Variants in ADRA1B observed in about 807,000 individuals in gnomAD.
The protein encoded by ADRA1B is alpha-1B adrenergic receptor.
Under a neutral mutation model 17.9 loss-of-function variants are expected in ADRA1B, and 17 were observed. That is an observed-to-expected ratio of 0.95 (90% CI 0.65 to 1.42). The LOEUF (loss-of-function observed/expected upper bound fraction) is 1.42. ADRA1B is among the 40% of genes most tolerant of loss of function. The pLI, the probability that ADRA1B is intolerant of heterozygous loss-of-function variation, is 0.00. For missense variants in ADRA1B, 681 were observed against 722.1 expected, an observed-to-expected ratio of 0.94 and a Z score of 0.65; for synonymous variants, 366 against 327.6, an observed-to-expected ratio of 1.12 and a Z score of -1.27.
At chr5:159,926,017 G>A (rs1050467022) in intron 1 of ADRA1B, among the ~76,000 whole-genome samples, 9 of 152,160 alleles carry the variant, frequency 5.9e-5, no homozygotes, top group Non-Finnish European at 1.0e-4. Flanking sequence ...TACTGTGGAC[G>A]TCTAAGCAGT....
chr5:159,950,387 G>A (rs1755400215), intron 1 of ADRA1B: 2 of 642,270 alleles, frequency 3.1e-6, no homozygotes, highest in Middle Eastern at 4.2e-4. Context: ...CTGTGAGGAG[G>A]GGAGAGTCTC....
At chr5:159,971,487 G>A (rs1327081838) in intron 1 of ADRA1B, among the ~76,000 whole-genome samples, 1 of 152,174 alleles carries the variant, frequency 6.6e-6, no homozygotes, top group East Asian at 1.9e-4. Flanking sequence ...ATGACGTTTT[G>A]TGAAGGATAA....
At chr5:159,956,239 C>A (rs1755548584) in intron 1 of ADRA1B, among the ~76,000 whole-genome samples, 1 of 152,088 alleles carries the variant, frequency 6.6e-6, no homozygotes, top group South Asian at 2.1e-4. Context: ...AGACCCGTTT[C>A]AAAGTAAACA....
intron 1 of ADRA1B, among the ~76,000 whole-genome samples, chr5:159,882,752 C>T (rs1254009364): frequency 1.3e-5 from 1 of 74,574 alleles, no homozygotes; most frequent in African/African-American, 9.8e-5. Context: ...TCTAAATTGC[C>T]AAACTTGCTC....
intron 1 of ADRA1B, among the ~76,000 whole-genome samples, chr5:159,962,702 G>A (rs1209366896): frequency 7.3e-6 from 1 of 137,512 alleles, no homozygotes; most frequent in African/African-American, 2.8e-5. Context: ...ACAAGGTCTC[G>A]CTCTATTGCC....
At chr5:159,982,571 T>C in the ADRA1B span, among the ~76,000 whole-genome samples, 24,675 of 152,048 alleles carry the variant, frequency 0.16, 3,668 homozygotes, top group African/African-American at 0.4. Context: ...GATAACATGG[T>C]TTCTAGGTGG....
chr5:159,879,951 G>A (rs529496615), intron 1 of ADRA1B, among the ~76,000 whole-genome samples: 8 of 152,040 alleles, frequency 5.3e-5, no homozygotes, highest in Non-Finnish European at 1.0e-4. Flanking sequence ...AACTGAGATC[G>A]CACCACTGCA....
upstream of ADRA1B, among the ~76,000 whole-genome samples, chr5:159,913,110 G>C (rs1314942657): frequency 6.6e-6 from 1 of 152,178 alleles, no homozygotes; most frequent in Non-Finnish European, 1.5e-5. Flanking sequence ...GTCAACTTCA[G>C]TGGCAGCTTC....
At chr5:159,929,754 A>T (rs1276844935) in intron 1 of ADRA1B, among the ~76,000 whole-genome samples, 1 of 152,136 alleles carries the variant, frequency 6.6e-6, no homozygotes, top group East Asian at 1.9e-4. Context: ...TCAGAAAAAA[A>T]AAATGAAAAA....
the ADRA1B span, among the ~76,000 whole-genome samples, chr5:159,978,787 T>C: frequency 6.6e-6 from 1 of 152,202 alleles, no homozygotes; most frequent in African/African-American, 2.4e-5. Context: ...CGCTAAAACC[T>C]AGTGAATGCT....
chr5:159,915,915 C>A (rs1467084567), upstream of ADRA1B, among the ~76,000 whole-genome samples: 1 of 152,180 alleles, frequency 6.6e-6, no homozygotes, highest in Non-Finnish European at 1.5e-5. Context: ...AGAGCCAGGG[C>A]AGAGAGTGGA....
upstream of ADRA1B, among the ~76,000 whole-genome samples, chr5:159,913,891 C>T (rs1305583773): frequency 6.6e-6 from 1 of 152,100 alleles, no homozygotes; most frequent in Non-Finnish European, 1.5e-5. Flanking sequence ...CCCTTACCCT[C>T]CCCTACACCC....
downstream of ADRA1B, among the ~76,000 whole-genome samples, chr5:159,973,500 G>A (rs1214031224): frequency 1.3e-5 from 2 of 152,114 alleles, no homozygotes; most frequent in Non-Finnish European, 2.9e-5. Context: ...CCTCACCTTT[G>A]CATTCCCAGG....
the ADRA1B span, among the ~76,000 whole-genome samples, chr5:159,986,151 A>G: frequency 6.6e-6 from 1 of 152,206 alleles, no homozygotes; most frequent in South Asian, 2.1e-4. Flanking sequence ...GCTGGTATGC[A>G]GTGACACAGT....
In ADRA1B at chr5:159,967,162, A is replaced by G. The variant is rs565770308; in HGVS notation, c.950-4717A>G. Among the ~76,000 whole-genome samples, 111 of 152,314 alleles carry G rather than the reference A, an allele frequency of 7.3e-4. 3 individuals carry two copies. In the South Asian group the frequency reaches 0.022, roughly 31 times the overall value. On this transcript the variant is annotated intron_variant, in intron 1 of 1. Coordinates refer to ENST00000306675, the MANE Select transcript of ADRA1B (RefSeq NM_000679.4). ...GTAATACGTATTTTTTAAATTCAGC[A>G]TGTATTACTTTTGAAATAAAAAAAA... is the stretch of plus-strand genomic sequence containing the variant.
intron 1 of ADRA1B, among the ~76,000 whole-genome samples, chr5:159,959,594 TG>T (rs563644380): frequency 2.7e-4 from 41 of 152,184 alleles, no homozygotes; most frequent in Non-Finnish European, 4.7e-4. Flanking sequence ...CATCCGTGGA[TG>T]AGATTCAGCA....
chr5:159,937,023 G>A (rs575375235), intron 1 of ADRA1B, among the ~76,000 whole-genome samples: 11 of 152,224 alleles, frequency 7.2e-5, no homozygotes, highest in East Asian at 3.9e-4. Context: ...AGATCCCACC[G>A]CAGAACAACT....
chr5:159,962,219 G>A (rs1367234344), intron 1 of ADRA1B, among the ~76,000 whole-genome samples: 1 of 152,030 alleles, frequency 6.6e-6, no homozygotes. Flanking sequence ...AATATGTAAA[G>A]AATAAAAAGA....
upstream of ADRA1B, among the ~76,000 whole-genome samples, chr5:159,914,142 C>G (rs1353879595): frequency 6.6e-6 from 1 of 152,202 alleles, no homozygotes; most frequent in South Asian, 2.1e-4. Flanking sequence ...AGCTGACCAC[C>G]TGGAGCTACG....
Sources: gnomAD v4.1 joint callset for allele counts (sites outside exome capture counted in the v4.1 genomes callset) on GRCh38, gnomAD v4.1.1 for gene constraint, MANE v1.5 for transcripts, NCBI Gene and HGNC (gene_info 2026-07-23, HGNC 2026-07-21) for gene names.